Variants in FARP1 observed in about 807,000 individuals in gnomAD.
The protein encoded by FARP1 is FERM, ARH/RhoGEF and pleckstrin domain protein 1.
A neutral mutation model predicts 128.8 loss-of-function variants in FARP1; 52 were observed. The ratio of observed to expected loss-of-function variants is 0.40; its 90% CI spans 0.32 to 0.51. The LOEUF is 0.51. FARP1 is among the 20% of genes least tolerant of loss of function. The pLI is 0.45. For synonymous variants in FARP1, 580 were observed against 551.8 expected, an observed-to-expected ratio of 1.05 and a Z score of -0.72; for missense variants, 1,333 against 1,367.9, an observed-to-expected ratio of 0.97 and a Z score of 0.40.
At chr13:98,378,960 TATATACA>T (rs1258636623) in intron 6 of FARP1, among the ~76,000 whole-genome samples, 1 of 97,172 alleles carries the variant, frequency 1.0e-5, no homozygotes, top group African/African-American at 4.2e-5. Context: ...ATATATATAA[TATATACA>T]ATATATAATC....
intron 2 of FARP1, among the ~76,000 whole-genome samples, chr13:98,308,383 G>A (rs1031500454): frequency 3.9e-5 from 6 of 152,198 alleles, no homozygotes; most frequent in African/African-American, 9.6e-5. Flanking sequence ...TGTAGGTCCC[G>A]TAGCTGAGAC....
At chr13:98,250,549 C>T (rs1201141778) in intron 2 of FARP1, among the ~76,000 whole-genome samples, 1 of 151,958 alleles carries the variant, frequency 6.6e-6, no homozygotes, top group African/African-American at 2.4e-5. Flanking sequence ...GGTGAAACCC[C>T]ATCTCTGCTA....
chr13:98,343,530 C>T (rs370933337), intron 2 of FARP1, among the ~76,000 whole-genome samples: 63 of 152,190 alleles, frequency 4.1e-4, no homozygotes, highest in African/African-American at 1.4e-3. Flanking sequence ...TGATGCCTGG[C>T]GTTGGAGTGG....
intron 3 of FARP1, among the ~76,000 whole-genome samples, chr13:98,344,827 ACT>A (rs1288598156): frequency 1.3e-5 from 2 of 151,990 alleles, no homozygotes; most frequent in Non-Finnish European, 2.9e-5. Context: ...ACCTCCAAAC[ACT>A]CTGTCGTTTT....
chr13:98,206,171 T>C (rs1880249090), intron 1 of FARP1, among the ~76,000 whole-genome samples: 1 of 119,366 alleles, frequency 8.4e-6, no homozygotes, highest in Admixed American at 1.0e-4. Flanking sequence ...TTTTCATGAC[T>C]TGAGGTTGTG....
At chr13:98,376,232 T>C (rs994756384) in intron 5 of FARP1, among the ~76,000 whole-genome samples, 3 of 152,210 alleles carry the variant, frequency 2.0e-5, no homozygotes, top group African/African-American at 7.2e-5. Flanking sequence ...ATCTTATTCA[T>C]TCTATCTCAT....
chr13:98,396,090 C>T (rs1396691222), intron 13 of FARP1: 4 of 399,124 alleles, frequency 1.0e-5, no homozygotes, highest in Non-Finnish European at 1.3e-5. Flanking sequence ...ATCCACTCAT[C>T]CTTAGCCAGG....
intron 2 of FARP1, among the ~76,000 whole-genome samples, chr13:98,313,987 T>TTGGCAGGTTGCCA (rs1805121327): frequency 6.6e-6 from 1 of 152,204 alleles, no homozygotes; most frequent in African/African-American, 2.4e-5. Flanking sequence ...CACTCACCGT[T>TTGGCAGGTTGCCA]TGGCAGGTTG....
intron 1 of FARP1, among the ~76,000 whole-genome samples, chr13:98,153,414 A>G (rs1311959284): frequency 2.7e-5 from 1 of 36,646 alleles, no homozygotes; most frequent in Non-Finnish European, 1.4e-4. Context: ...ATAAATATGT[A>G]TAATATGTAA....
intron 2 of FARP1, among the ~76,000 whole-genome samples, chr13:98,322,901 C>T (rs975199198): frequency 6.6e-6 from 1 of 152,108 alleles, no homozygotes; most frequent in Non-Finnish European, 1.5e-5. Context: ...TTCTCCAGAC[C>T]TTTTGGCAGA....
chr13:98,375,909 G>A (rs764960841), intron 5 of FARP1, among the ~76,000 whole-genome samples: 6 of 152,012 alleles, frequency 3.9e-5, no homozygotes, highest in African/African-American at 1.2e-4. Context: ...GAGCCACAGC[G>A]TGCGGCCCCA....
chr13:98,448,170 T>C, intron 26 of FARP1, 66 bp from the exon 27 acceptor site: 1 of 1,348,210 alleles, frequency 7.4e-7, no homozygotes, highest in Non-Finnish European at 1.1e-6. Context: ...CTGTAAGCGA[T>C]GCCCACCAAA....
At chr13:98,300,776 G>A (rs182316508) in intron 2 of FARP1, among the ~76,000 whole-genome samples, 36 of 152,336 alleles carry the variant, frequency 2.4e-4, no homozygotes, top group Middle Eastern at 3.4e-3. Context: ...TTAATGTCCA[G>A]TTTTCTTTGA....
intron 1 of FARP1, among the ~76,000 whole-genome samples, chr13:98,212,506 A>T (rs879697184): frequency 2.6e-5 from 4 of 151,932 alleles, no homozygotes; most frequent in Non-Finnish European, 5.9e-5. Context: ...TGAGGGTGTC[A>T]TTAGACAAGA....
intron 2 of FARP1, among the ~76,000 whole-genome samples, chr13:98,331,412 C>T (rs145534245): frequency 6.6e-6 from 1 of 152,260 alleles, no homozygotes; most frequent in African/African-American, 2.4e-5. Context: ...GACCCCATTT[C>T]CCACCTTTTT....
At chr13:98,359,640 ACTGTACCTTTTCT>A in intron 3 of FARP1, among the ~76,000 whole-genome samples, 1 of 152,172 alleles carries the variant, frequency 6.6e-6, no homozygotes, top group East Asian at 1.9e-4. Flanking sequence ...CTGGGTCTTC[ACTGTACCTTTTCT>A]GTGTTTAGAT....
intron 17 of FARP1, among the ~76,000 whole-genome samples, chr13:98,429,268 T>C (rs1891919784): frequency 6.6e-6 from 1 of 151,460 alleles, no homozygotes. Context: ...TCAGCAGGGG[T>C]CACTGTGTGC....
chr13:98,274,812 A>G (rs1371887957), intron 2 of FARP1, among the ~76,000 whole-genome samples: 1 of 152,232 alleles, frequency 6.6e-6, no homozygotes, highest in Non-Finnish European at 1.5e-5. Context: ...AGCTGGTACC[A>G]GTATCCTTCA....
intron 1 of FARP1, among the ~76,000 whole-genome samples, chr13:98,173,013 AC>A (rs1877760186): frequency 3.3e-5 from 5 of 152,216 alleles, no homozygotes; most frequent in African/African-American, 1.2e-4. Context: ...GTGGGGAAAT[AC>A]GCATTCTGGT....
Sources: allele counts gnomAD v4.1 joint callset (sites outside exome capture counted in the v4.1 genomes callset), GRCh38; gene constraint gnomAD v4.1.1; transcripts MANE v1.5; gene names NCBI Gene and HGNC (gene_info 2026-07-23, HGNC 2026-07-21).